Variants in KCNH1 observed in about 807,000 individuals in gnomAD.
KCNH1 encodes the protein voltage-gated delayed rectifier potassium channel KCNH1.
Under a neutral mutation model 69.2 loss-of-function variants are expected in KCNH1, and 27 were observed. The observed-to-expected ratio is 0.39, with a 90% confidence interval of 0.29 to 0.54. The LOEUF (loss-of-function observed/expected upper bound fraction) is 0.54, where lower values mean the gene tolerates loss of function less well. KCNH1 is among the 20% of genes least tolerant of loss of function. The pLI is 0.68. For missense variants in KCNH1, 798 were observed against 1,261.6 expected (o/e 0.63, Z 5.57); for synonymous variants, 456 against 487.7 (o/e 0.93, Z 0.86).
At chr1:211,102,889 T>C (rs1300361003) in intron 3 of KCNH1, among the ~76,000 whole-genome samples, 1 of 152,222 alleles carries the variant, frequency 6.6e-6, no homozygotes, top group Non-Finnish European at 1.5e-5. Flanking sequence ...CCATATGCCC[T>C]ACTTTCCATA....
chr1:211,071,813 T>C (rs1283316748), intron 5 of KCNH1, among the ~76,000 whole-genome samples: 1 of 152,196 alleles, frequency 6.6e-6, no homozygotes, highest in African/African-American at 2.4e-5. Flanking sequence ...ATCCACATAT[T>C]AGTGGACTCA....
intron 7 of KCNH1, among the ~76,000 whole-genome samples, chr1:210,912,444 T>C (rs1687253661): frequency 6.6e-6 from 1 of 152,184 alleles, no homozygotes; most frequent in Non-Finnish European, 1.5e-5. Context: ...TATCCAGATA[T>C]ACTTATATTT....
intron 8 of KCNH1, among the ~76,000 whole-genome samples, chr1:210,800,627 C>T (rs1684408510): frequency 6.6e-6 from 1 of 152,122 alleles, no homozygotes; most frequent in Non-Finnish European, 1.5e-5. Flanking sequence ...CTATTGGCTC[C>T]ACACTGAGGT....
At chr1:210,757,097 G>A (rs998327066) in intron 10 of KCNH1, among the ~76,000 whole-genome samples, 7 of 152,160 alleles carry the variant, frequency 4.6e-5, no homozygotes, top group African/African-American at 1.7e-4. Context: ...TCTGATCCTA[G>A]GAGTGCAGTC....
chr1:210,768,642 T>A (rs1485822458), intron 10 of KCNH1, among the ~76,000 whole-genome samples: 2 of 152,242 alleles, frequency 1.3e-5, no homozygotes, highest in African/African-American at 4.8e-5. Flanking sequence ...CCACCCATCC[T>A]GACCCCCTGC....
At chr1:210,976,729 T>C (rs921055614) in intron 6 of KCNH1, among the ~76,000 whole-genome samples, 8 of 148,160 alleles carry the variant, frequency 5.4e-5, no homozygotes, top group Non-Finnish European at 1.2e-4. Context: ...ACAGACTGGA[T>C]TAAGAATACG....
At chr1:210,740,353 A>G (rs1223440400) in intron 10 of KCNH1, among the ~76,000 whole-genome samples, 1 of 152,142 alleles carries the variant, frequency 6.6e-6, no homozygotes. Flanking sequence ...TTTTTTCAGA[A>G]ACAGACTTTT....
intron 3 of KCNH1, among the ~76,000 whole-genome samples, chr1:211,096,426 C>G (rs1691156160): frequency 6.6e-6 from 1 of 152,118 alleles, no homozygotes; most frequent in Non-Finnish European, 1.5e-5. Flanking sequence ...ATGGAAATGC[C>G]CAACCTCATT....
intron 1 of KCNH1, among the ~76,000 whole-genome samples, chr1:211,111,341 C>T (rs900527474): frequency 6.6e-5 from 10 of 151,592 alleles, no homozygotes; most frequent in African/African-American, 2.2e-4. Flanking sequence ...CTCTGCCCGG[C>T]CCCCCCACCG....
intron 7 of KCNH1, among the ~76,000 whole-genome samples, chr1:210,825,156 A>C (rs751321572): frequency 2.0e-4 from 31 of 152,194 alleles, no homozygotes; most frequent in Non-Finnish European, 3.5e-4. Context: ...CAAATACCCA[A>C]ATCTGAATAA....
intron 6 of KCNH1, among the ~76,000 whole-genome samples, chr1:210,982,060 T>C (rs1688720429): frequency 1.3e-5 from 2 of 151,988 alleles, no homozygotes; most frequent in African/African-American, 4.8e-5. Context: ...AAAATTGGTC[T>C]GGGGGTCATG....
chr1:210,974,298 T>G (rs1688561695), intron 6 of KCNH1, among the ~76,000 whole-genome samples: 1 of 152,150 alleles, frequency 6.6e-6, no homozygotes, highest in Non-Finnish European at 1.5e-5. Context: ...GATTTTTTCT[T>G]TTATCATATT....
chr1:210,960,822 A>T (rs1246155597), intron 6 of KCNH1, among the ~76,000 whole-genome samples: 3 of 152,214 alleles, frequency 2.0e-5, no homozygotes, highest in Non-Finnish European at 2.9e-5. Flanking sequence ...TTAAAGAAAC[A>T]TCCAAACTGT....
intron 7 of KCNH1, among the ~76,000 whole-genome samples, chr1:210,855,167 C>T (rs907411095): frequency 1.3e-5 from 2 of 152,000 alleles, no homozygotes; most frequent in African/African-American, 2.4e-5. Context: ...TACCCAGGCC[C>T]GAGACATCAC....
intron 5 of KCNH1, among the ~76,000 whole-genome samples, chr1:211,032,287 C>G (rs1689801452): frequency 6.6e-6 from 1 of 152,196 alleles, no homozygotes; most frequent in South Asian, 2.1e-4. Flanking sequence ...GAAGAACATT[C>G]CATGCTCATG....
chr1:211,078,992 CA>C (rs974107311), intron 5 of KCNH1, among the ~76,000 whole-genome samples: 1 of 145,460 alleles, frequency 6.9e-6, no homozygotes, highest in Non-Finnish European at 1.5e-5. Flanking sequence ...GATAGAGACA[CA>C]AAAAAAACCT....
At chr1:211,043,932 G>A (rs1278811727) in intron 5 of KCNH1, among the ~76,000 whole-genome samples, 1 of 152,078 alleles carries the variant, frequency 6.6e-6, no homozygotes, top group Non-Finnish European at 1.5e-5. Flanking sequence ...GCATACAAGG[G>A]ACATACCTTA....
At chr1:210,892,559 G>T (rs1686772209) in intron 7 of KCNH1, among the ~76,000 whole-genome samples, 1 of 152,050 alleles carries the variant, frequency 6.6e-6, no homozygotes, top group Admixed American at 6.6e-5. Flanking sequence ...ATTTATCTAT[G>T]TAAAAATGTA....
chr1:210,756,086 TA>T (rs1318398282), intron 10 of KCNH1, among the ~76,000 whole-genome samples: 1 of 152,208 alleles, frequency 6.6e-6, no homozygotes, highest in Non-Finnish European at 1.5e-5. Context: ...TCCAATATTT[TA>T]AACTCCATTT....
Sources: allele counts gnomAD v4.1 joint callset (sites outside exome capture counted in the v4.1 genomes callset), GRCh38; gene constraint gnomAD v4.1.1; transcripts MANE v1.5; gene names NCBI Gene and HGNC (gene_info 2026-07-23, HGNC 2026-07-21).